SCML2: variants seen among roughly 807,000 people sequenced by gnomAD.
The protein encoded by SCML2 is Scm polycomb group protein like 2.
Under a neutral mutation model 48.4 loss-of-function variants are expected in SCML2, and 6 were observed. That is an observed-to-expected ratio of 0.12 (90% confidence interval 0.07 to 0.24). SCML2 has a LOEUF of 0.24. Ranked by LOEUF, SCML2 falls within the 10% of genes least tolerant of loss-of-function variation. SCML2 has a pLI of 1.00. For synonymous variants in SCML2, 181 were observed against 189.5 expected, an observed-to-expected ratio of 0.95 and a Z score of 0.37; for missense variants, 377 against 528.2, an observed-to-expected ratio of 0.71 and a Z score of 2.81.
At position 18,305,222 on chromosome X, in the gene SCML2, A is replaced by C; in HGVS notation, c.487-7T>G. 8.5e-7 allele frequency: 1 copy of C among 1,173,871 alleles called. No homozygotes were observed. The highest frequency in any genetic ancestry group is 1.8e-5 in the African/African-American group (1 of 55,285). ...GTGGGGGCTTTGGTGGTTCCTATCA[A>C]AACATTAAAAAAAAAAAAGATTTCA... is the stretch of plus-strand genomic sequence containing the variant. On this transcript the variant is annotated splice_region_variant and splice_polypyrimidine_tract_variant and intron_variant, in intron 6 of 14. Coordinates refer to ENST00000251900, the MANE Select transcript of SCML2 (RefSeq NM_006089.3).
intron 1 of SCML2, among the ~76,000 whole-genome samples, chrX:18,334,638 T>C (rs1929753964): frequency 8.9e-6 from 1 of 111,825 alleles, no homozygotes. Flanking sequence ...TATTTTGAGC[T>C]ATAATTCATT....
intron 7 of SCML2, among the ~76,000 whole-genome samples, chrX:18,280,403 G>A (rs965856099): frequency 1.9e-4 from 21 of 111,771 alleles, no homozygotes; most frequent in African/African-American, 5.8e-4. Flanking sequence ...CTGCTACCAC[G>A]AAAACCCATT....
intron 11 of SCML2, among the ~76,000 whole-genome samples, chrX:18,251,000 C>T (rs956082758): frequency 1.8e-5 from 2 of 110,272 alleles, no homozygotes; most frequent in Non-Finnish European, 3.8e-5. Context: ...AACTCACTCA[C>T]TATCACAAGA....
Position 18,241,033 on chromosome X carries a change from A to T in SCML2, c.*218T>A. 1 of 234,836 alleles carries T rather than the reference A, an allele frequency of 4.3e-6. No individual in the cohort carries two copies. Among genetic ancestry groups the T allele is most frequent in the Non-Finnish European group, 7.7e-6 (1 of 129,340 alleles). The allele number at this position is 234,836 out of a possible 1,213,427, so 19.4% of individuals were successfully genotyped here. A position where few individuals can be genotyped will look rare whatever the true frequency, so the allele number is the denominator to read the frequency against. On this transcript the variant is annotated 3_prime_UTR_variant, in exon 15 of 15. Coordinates refer to ENST00000251900, the MANE Select transcript of SCML2 (RefSeq NM_006089.3). ...CTAACCTGTTAAATGCTTTTTAAAGAAGTAGACTGGGGGAGTGGCGGCTGT... is the reference window on the plus strand; with the variant it reads ...CTAACCTGTTAAATGCTTTTTAAAGTAGTAGACTGGGGGAGTGGCGGCTGT...
At chrX:18,337,097 T>C (rs2147558316) in intron 1 of SCML2, among the ~76,000 whole-genome samples, 1 of 107,614 alleles carries the variant, frequency 9.3e-6, no homozygotes, top group Non-Finnish European at 1.9e-5. Flanking sequence ...AGGTCAGGAG[T>C]CCGAGACCAG....
intron 5 of SCML2, among the ~76,000 whole-genome samples, chrX:18,321,620 CAG>C (rs2042130122): frequency 1.5e-5 from 1 of 67,395 alleles, no homozygotes; most frequent in Admixed American, 1.6e-4. Context: ...AAAAAAAAAA[CAG>C]GGGTGGGGGG....
chrX:18,306,379 C>T (rs1928755707), intron 6 of SCML2, among the ~76,000 whole-genome samples: 1 of 111,469 alleles, frequency 9.0e-6, no homozygotes, highest in Non-Finnish European at 1.9e-5. Context: ...CAGCATCTGC[C>T]TGGACAACTC....
chrX:18,242,679 T>A (rs1926307718), intron 13 of SCML2, 89 bp from the exon 14 acceptor site: 1 of 969,758 alleles, frequency 1.0e-6, no homozygotes, highest in Admixed American at 3.3e-5. Context: ...ATGGTCTCAT[T>A]CCTGGAACCT....
intron 6 of SCML2, among the ~76,000 whole-genome samples, chrX:18,312,634 T>C (rs1381048062): frequency 9.1e-6 from 1 of 110,390 alleles, no homozygotes; most frequent in African/African-American, 3.3e-5. Context: ...GTACAGTCAA[T>C]AGGATTTCCT....
At chrX:18,284,326 T>A (rs1222522014) in intron 7 of SCML2, among the ~76,000 whole-genome samples, 1 of 111,923 alleles carries the variant, frequency 8.9e-6, no homozygotes, top group Non-Finnish European at 1.9e-5. Flanking sequence ...GAAGAAAACC[T>A]AGCAAATACC....
chrX:18,288,096 C>A lies in SCML2; in HGVS notation c.730+16876G>T, dbSNP rs755270624. Among the ~76,000 whole-genome samples the A allele has an allele frequency of 6.3e-5, 7 of 111,359 alleles. No individual in the cohort carries two copies. In the South Asian group the frequency reaches 2.6e-3, roughly 41 times the overall value. ...GGTCAATTCATAATTCATCTAGCAA[C>A]ATGAGCTTTTAAAAGCCACTCAATT... is the stretch of plus-strand genomic sequence containing the variant. On this transcript the variant is annotated intron_variant, in intron 7 of 14. Transcript: ENST00000251900.
chrX:18,274,250 C>T (rs889795501), intron 7 of SCML2, among the ~76,000 whole-genome samples: 38 of 111,630 alleles, frequency 3.4e-4, no homozygotes, highest in African/African-American at 1.2e-3. Context: ...CTCCTTCCAG[C>T]GCCCAAAAGC....
chrX:18,299,282 G>C (rs1928498145), intron 7 of SCML2, among the ~76,000 whole-genome samples: 1 of 111,391 alleles, frequency 9.0e-6, no homozygotes, highest in African/African-American at 3.3e-5. Context: ...GGGAGGCCAA[G>C]GTGGGCGGAT....
intron 7 of SCML2, among the ~76,000 whole-genome samples, chrX:18,276,075 G>A (rs1927620340): frequency 8.9e-6 from 1 of 112,158 alleles, no homozygotes; most frequent in Admixed American, 9.4e-5. Flanking sequence ...AAGGCAGGCA[G>A]ATCAGCTGAG....
intron 13 of SCML2, 120 bp downstream of exon 13, chrX:18,246,457 G>A (rs955760813): frequency 4.2e-6 from 3 of 706,645 alleles, no homozygotes; most frequent in Non-Finnish European, 6.2e-6. Context: ...GTGAAAGAGA[G>A]GACTCAGCCT....
At chrX:18,324,375 A>G (rs751281878) in intron 4 of SCML2, among the ~76,000 whole-genome samples, 85 of 111,852 alleles carry the variant, frequency 7.6e-4, no homozygotes, top group Middle Eastern at 4.6e-3. Flanking sequence ...CTAAAGTAAG[A>G]ATCTGATTAG....
chrX:18,304,293 A>G (rs1413914597), intron 7 of SCML2, among the ~76,000 whole-genome samples: 1 of 112,103 alleles, frequency 8.9e-6, no homozygotes, highest in East Asian at 2.8e-4. Context: ...TTACTCCATC[A>G]TAGAAGACCA....
At chrX:18,325,593 T>C (rs1929453866) in intron 3 of SCML2, among the ~76,000 whole-genome samples, 1 of 111,808 alleles carries the variant, frequency 8.9e-6, no homozygotes, top group Non-Finnish European at 1.9e-5. Context: ...TTTAATGACC[T>C]ACATTTTCTA....
intron 8 of SCML2, among the ~76,000 whole-genome samples, chrX:18,265,249 T>C (rs186135169): frequency 5.7e-4 from 64 of 112,389 alleles, no homozygotes; most frequent in African/African-American, 2.0e-3. Context: ...CCCCAGTTTA[T>C]TGAGGTATAA....
Sources: allele counts gnomAD v4.1 joint callset (sites outside exome capture counted in the v4.1 genomes callset), GRCh38; gene constraint gnomAD v4.1.1; transcripts MANE v1.5; gene names NCBI Gene and HGNC (gene_info 2026-07-23, HGNC 2026-07-21).